Variants in CEP128 observed in about 807,000 individuals in gnomAD.
CEP128 encodes centrosomal protein 128.
Under a neutral mutation model 156.7 loss-of-function variants are expected in CEP128, and 132 were observed. The ratio of observed to expected loss-of-function variants is 0.84; its 90% CI spans 0.73 to 0.97. CEP128 has a LOEUF of 0.97. CEP128 is among the 50% of genes least tolerant of loss of function. CEP128 has a pLI of 0.00. For missense variants in CEP128, 1,252 were observed against 1,281.9 expected (o/e 0.98, Z 0.36); for synonymous variants, 469 against 448.9 (o/e 1.04, Z -0.57).
intron 19 of CEP128, among the ~76,000 whole-genome samples, chr14:80,732,445 A>T (rs1488975909): frequency 1.3e-5 from 2 of 149,402 alleles, no homozygotes; most frequent in Admixed American, 6.7e-5. Flanking sequence ...TTAAATGAAG[A>T]TTCATCTGGC....
intron 16 of CEP128, among the ~76,000 whole-genome samples, chr14:80,773,609 G>A (rs1900632422): frequency 6.6e-6 from 1 of 152,102 alleles, no homozygotes; most frequent in Admixed American, 6.5e-5. Flanking sequence ...TACATAGGGT[G>A]CAGATCCATA....
intron 18 of CEP128, among the ~76,000 whole-genome samples, chr14:80,745,176 T>C (rs1200215456): frequency 2.0e-5 from 3 of 152,016 alleles, no homozygotes; most frequent in African/African-American, 4.8e-5. Flanking sequence ...GGAGATCTGG[T>C]CGTTTAAAGG....
intron 19 of CEP128, among the ~76,000 whole-genome samples, chr14:80,718,869 GT>G (rs1307014234): frequency 3.3e-5 from 5 of 152,262 alleles, no homozygotes; most frequent in East Asian, 3.9e-4. Flanking sequence ...TCACGTCTTT[GT>G]TTTTTTCTGA....
rs533505739 is a variant in CEP128, at chr14:80,898,107, A to G, written c.572+1831T>C. 2.0e-5 allele frequency among the ~76,000 whole-genome samples: 3 copies of G among 152,326 alleles called. No individual in the cohort carries two copies. The East Asian group carries it at 5.8e-4, about 29-fold the overall frequency. On this transcript the variant is annotated intron_variant, in intron 7 of 24. Transcript: ENST00000555265. ...AATCAATTCTTCATATGGCATCCAA[A>G]GTAGGTGATTTCTGAATTAAACTTT...
intron 2 of CEP128, among the ~76,000 whole-genome samples, chr14:80,932,552 C>T (rs1026563532): frequency 4.6e-5 from 7 of 152,110 alleles, no homozygotes; most frequent in Non-Finnish European, 8.8e-5. Flanking sequence ...GGTTTTTCTG[C>T]AGTGACAGCA....
rs762635519 is a variant in CEP128, at chr14:80,831,214, CAG to C, written c.1136_1137del (p.Ser379Ter). ...ATGCACCGTTTCACTTCCTCTAACT[CAG>C]ATGCCATTGCGCTGAAGTTCAGCTG... ...RVQLNFSAMA[S>X]ELEEVKRCME... is the part of the protein sequence containing the mutation. On this transcript the variant is annotated frameshift_variant, in exon 13 of 25. Coordinates refer to ENST00000555265, the MANE Select transcript of CEP128 (RefSeq NM_152446.5). LOFTEE classifies it high-confidence loss of function. 1 of 1,614,074 alleles carries C rather than the reference CAG, an allele frequency of 6.2e-7. No individual in the cohort carries two copies. The highest frequency in any genetic ancestry group is 1.7e-5 in the Admixed American group (1 of 60,018).
intron 8 of CEP128, among the ~76,000 whole-genome samples, chr14:80,871,261 A>G (rs1385846136): frequency 6.6e-6 from 1 of 152,186 alleles, no homozygotes; most frequent in Non-Finnish European, 1.5e-5. Context: ...ATTTGCCTGC[A>G]GTGAGAAGCA....
chr14:80,733,565 T>C (rs1447845347), intron 19 of CEP128, among the ~76,000 whole-genome samples: 1 of 152,164 alleles, frequency 6.6e-6, no homozygotes, highest in Non-Finnish European at 1.5e-5. Context: ...AATCTTTTTT[T>C]CAAATCATAA....
chr14:80,740,443 T>TAC (rs1405167819), intron 19 of CEP128, among the ~76,000 whole-genome samples: 1 of 95,488 alleles, frequency 1.0e-5, no homozygotes, highest in African/African-American at 3.6e-5. Context: ...AAAATGTATA[T>TAC]ACACATACAC....
At chr14:80,503,898 G>T (rs1887851827) in intron 24 of CEP128, among the ~76,000 whole-genome samples, 1 of 152,040 alleles carries the variant, frequency 6.6e-6, no homozygotes, top group South Asian at 2.1e-4. Context: ...ATCAGAAATC[G>T]ATAAATATTT....
chr14:80,532,278 C>T (rs1889263306), intron 21 of CEP128, among the ~76,000 whole-genome samples: 1 of 152,136 alleles, frequency 6.6e-6, no homozygotes, highest in African/African-American at 2.4e-5. Flanking sequence ...ACTGCAGTCT[C>T]AACCTCCTGG....
chr14:80,673,571 G>A (rs57552660), intron 19 of CEP128, among the ~76,000 whole-genome samples: 46,970 of 132,508 alleles, frequency 0.35, 8,612 homozygotes, highest in African/African-American at 0.43. Context: ...GCGTGAACCC[G>A]GGAGGCGGAG....
chr14:80,652,216 G>A (rs1480133312), intron 19 of CEP128, among the ~76,000 whole-genome samples: 1 of 151,984 alleles, frequency 6.6e-6, no homozygotes, highest in African/African-American at 2.4e-5. Context: ...AGACCTAAAT[G>A]TAAGACCTAA....
chr14:80,837,800 T>C (rs1057253291), intron 11 of CEP128, among the ~76,000 whole-genome samples: 3 of 152,256 alleles, frequency 2.0e-5, no homozygotes, highest in African/African-American at 7.2e-5. Flanking sequence ...ACAATGACGT[T>C]ATTCAAAGTA....
intron 8 of CEP128, among the ~76,000 whole-genome samples, chr14:80,890,048 T>C (rs1053714202): frequency 3.3e-5 from 5 of 152,110 alleles, no homozygotes; most frequent in Admixed American, 2.6e-4. Context: ...CACTGGTCAT[T>C]AGAGAATGCA....
intron 9 of CEP128, among the ~76,000 whole-genome samples, chr14:80,856,864 G>A (rs1404318854): frequency 6.6e-6 from 1 of 151,016 alleles, no homozygotes; most frequent in African/African-American, 2.4e-5. Flanking sequence ...CCAGGTGGCT[G>A]GGATTACAGG....
chr14:80,816,392 A>G (rs543636554), intron 13 of CEP128, among the ~76,000 whole-genome samples: 31 of 152,248 alleles, frequency 2.0e-4, no homozygotes, highest in South Asian at 6.2e-4. Context: ...CCTTCCCCCA[A>G]TCAGCCCCAA....
At chr14:80,685,222 T>G (rs1420223298) in intron 19 of CEP128, among the ~76,000 whole-genome samples, 1 of 152,098 alleles carries the variant, frequency 6.6e-6, no homozygotes, top group Non-Finnish European at 1.5e-5. Flanking sequence ...AAAAGGCTAC[T>G]GGGACTGATA....
At chr14:80,940,385 A>G (rs1886077825) in intron 1 of CEP128, among the ~76,000 whole-genome samples, 1 of 152,244 alleles carries the variant, frequency 6.6e-6, no homozygotes, top group Non-Finnish European at 1.5e-5. Context: ...CAAAGTTTTA[A>G]CCTTATCTCT....
Sources: allele counts gnomAD v4.1 joint callset (sites outside exome capture counted in the v4.1 genomes callset), GRCh38; gene constraint gnomAD v4.1.1; transcripts MANE v1.5; gene names NCBI Gene and HGNC (gene_info 2026-07-23, HGNC 2026-07-21).